Variants in TJP1 observed in about 807,000 individuals in gnomAD.
TJP1 encodes tight junction protein 1.
TJP1 carries 43 observed loss-of-function variants against 194.2 expected under a neutral mutation model. That is an observed-to-expected ratio of 0.22 (90% CI 0.17 to 0.29). The LOEUF (loss-of-function observed/expected upper bound fraction) is 0.29, where lower values mean the gene tolerates loss of function less well. Among genes scored for constraint, TJP1 ranks in the 10% least tolerant of loss-of-function variants. The pLI is 1.00. For synonymous variants in TJP1, 801 were observed against 779.0 expected (o/e 1.03, Z -0.47); for missense variants, 1,971 against 2,185.7 (o/e 0.90, Z 1.96).
chr15:29,944,045 C>T (rs969418477), intron 2 of TJP1, among the ~76,000 whole-genome samples: 8 of 151,900 alleles, frequency 5.3e-5, no homozygotes, highest in Non-Finnish European at 8.8e-5. Context: ...AATTAAAAAT[C>T]GTTAGAAAAC....
At chr15:29,766,593 C>T (rs2046346280) in intron 4 of TJP1, 51 bp from the exon 5 acceptor site, 7 of 1,493,990 alleles carry the variant, frequency 4.7e-6, no homozygotes, top group African/African-American at 2.8e-5. Context: ...CATATATGTA[C>T]GTTCAGTTCC....
At chr15:29,876,903 ACCT>A (rs1447998005) in intron 2 of TJP1, among the ~76,000 whole-genome samples, 1 of 152,140 alleles carries the variant, frequency 6.6e-6, no homozygotes, top group Non-Finnish European at 1.5e-5. Flanking sequence ...ACACATTTAT[ACCT>A]CCTAAGTGCA....
intron 2 of TJP1, among the ~76,000 whole-genome samples, chr15:29,781,388 T>G (rs1380662232): frequency 1.3e-5 from 2 of 152,036 alleles, no homozygotes; most frequent in Admixed American, 6.5e-5. Flanking sequence ...GCTCTACATG[T>G]ACAAACAAGA....
At chr15:29,785,072 C>T (rs747469814) in intron 2 of TJP1, among the ~76,000 whole-genome samples, 4 of 152,044 alleles carry the variant, frequency 2.6e-5, no homozygotes, top group Admixed American at 6.5e-5. Context: ...CTATCTTCAA[C>T]GTAAAAATTG....
At chr15:29,847,947 G>A (rs796677288) in intron 2 of TJP1, among the ~76,000 whole-genome samples, 18 of 152,060 alleles carry the variant, frequency 1.2e-4, no homozygotes, top group African/African-American at 4.3e-4. Flanking sequence ...TTTTCTTTGA[G>A]AAAACTTTCT....
chr15:29,958,920 A>C (rs1365269529), intron 1 of TJP1, among the ~76,000 whole-genome samples: 2 of 149,544 alleles, frequency 1.3e-5, no homozygotes, highest in Non-Finnish European at 3.0e-5. Flanking sequence ...TTGCTTTTTT[A>C]GTTTTGTGAA....
intron 2 of TJP1, among the ~76,000 whole-genome samples, chr15:29,887,815 A>G (rs1427745063): frequency 6.6e-6 from 1 of 152,226 alleles, no homozygotes; most frequent in East Asian, 1.9e-4. Flanking sequence ...CTTTCCAATA[A>G]ACAGTGCTAT....
chr15:29,768,941 G>A lies in TJP1; in HGVS notation c.313-2399C>T, dbSNP rs1393005341. 3.9e-5 allele frequency among the ~76,000 whole-genome samples: 6 copies of A among 152,170 alleles called. No homozygotes were observed. In the East Asian group the frequency reaches 1.2e-3, roughly 29 times the overall value. ...TACTAGAAAAAAATACAACAGAGAG[G>A]CTTTTGCAATTAAAAGGCTTTTGGA... On this transcript the variant is annotated intron_variant, in intron 4 of 27. Coordinates refer to ENST00000614355, the MANE Select transcript of TJP1 (RefSeq NM_001330239.4).
chr15:29,805,160 GAATCAC>G (rs1300478747), intron 1 of TJP1, among the ~76,000 whole-genome samples: 6 of 152,194 alleles, frequency 3.9e-5, no homozygotes, highest in African/African-American at 1.4e-4. Context: ...CAACTGACTA[GAATCAC>G]AATTTCTGAA....
chr15:29,757,279 A>AC (rs1234882365), intron 8 of TJP1, among the ~76,000 whole-genome samples: 1 of 152,224 alleles, frequency 6.6e-6, no homozygotes, highest in Non-Finnish European at 1.5e-5. Context: ...TAGGAAGAGA[A>AC]CAGGGCAGGG....
intron 2 of TJP1, among the ~76,000 whole-genome samples, chr15:29,896,733 T>C (rs1459542203): frequency 3.3e-5 from 5 of 152,288 alleles, no homozygotes; most frequent in Non-Finnish European, 4.4e-5. Context: ...GAGGAACTTG[T>C]TGGGAACTGG....
chr15:29,874,841 G>A (rs1432670435), intron 2 of TJP1, among the ~76,000 whole-genome samples: 1 of 152,194 alleles, frequency 6.6e-6, no homozygotes, highest in East Asian at 1.9e-4. Context: ...CACACAAAAT[G>A]TGGTGCCTAA....
At chr15:29,787,817 T>C (rs1393055706) in intron 2 of TJP1, among the ~76,000 whole-genome samples, 1 of 152,214 alleles carries the variant, frequency 6.6e-6, no homozygotes, top group Non-Finnish European at 1.5e-5. Context: ...ATGTAGACAT[T>C]TGCTTTCATT....
At chr15:29,803,868 T>C (rs1197286817) in intron 1 of TJP1, among the ~76,000 whole-genome samples, 1 of 152,078 alleles carries the variant, frequency 6.6e-6, no homozygotes. Flanking sequence ...AACTTCTCTG[T>C]TAAACATCAA....
At chr15:29,738,617 G>T (rs2044189438) in intron 10 of TJP1, among the ~76,000 whole-genome samples, 1 of 151,868 alleles carries the variant, frequency 6.6e-6, no homozygotes, top group Non-Finnish European at 1.5e-5. Context: ...TACTACAAAT[G>T]GTCCAAGCCC....
At chr15:29,759,150 C>T (rs2045837150) in intron 8 of TJP1, 1 of 152,184 alleles carries the variant, frequency 6.6e-6, no homozygotes. Flanking sequence ...CTCGCCTCTT[C>T]ACCTTCCTAA....
At chr15:29,879,252 G>C (rs951441936) in intron 2 of TJP1, among the ~76,000 whole-genome samples, 1 of 152,188 alleles carries the variant, frequency 6.6e-6, no homozygotes, top group Non-Finnish European at 1.5e-5. Context: ...TACAGTTTCC[G>C]TGGGGAAGAA....
intron 2 of TJP1, among the ~76,000 whole-genome samples, chr15:29,910,970 C>T (rs561041097): frequency 6.6e-6 from 1 of 152,334 alleles, no homozygotes; most frequent in African/African-American, 2.4e-5. Context: ...CTAACACTCA[C>T]TAGCTGATAC....
At position 29,941,072 on chromosome 15, in the gene TJP1, TA is replaced by T. The variant is rs538454530; in HGVS notation, c.306+15159del. On this transcript the variant is annotated intron_variant, in intron 2 of 28. Coordinates refer to the TJP1 transcript ENST00000356107. Reference sequence around the variant, plus strand: ...ATGTCTCTCTGTTCTGTGAATGTATTAAAAAAAAATTACATTATCCCTCCTT... The same window carrying T: ...ATGTCTCTCTGTTCTGTGAATGTATTAAAAAAAATTACATTATCCCTCCTT... Among the ~76,000 whole-genome samples the T allele has an allele frequency of 3.0e-3, 452 of 151,846 alleles. 3 individuals carry two copies. Among genetic ancestry groups the T allele is most frequent in the African/African-American group, 8.5e-3 (350 of 41,396 alleles).
Sources: gnomAD v4.1 joint callset for allele counts (sites outside exome capture counted in the v4.1 genomes callset) on GRCh38, gnomAD v4.1.1 for gene constraint, MANE v1.5 for transcripts, NCBI Gene and HGNC (gene_info 2026-07-23, HGNC 2026-07-21) for gene names.